SPAG16: variants seen among roughly 807,000 people sequenced by gnomAD.
The protein encoded by SPAG16 is sperm associated antigen 16.
Under a neutral mutation model 80.4 loss-of-function variants are expected in SPAG16, and 86 were observed. The observed-to-expected ratio is 1.07, with a 90% CI of 0.90 to 1.28. The LOEUF (loss-of-function observed/expected upper bound fraction) is 1.28, where lower values mean the gene tolerates loss of function less well. Ranked by LOEUF, SPAG16 falls within the 50% of genes most tolerant of loss-of-function variation. SPAG16 has a pLI of 0.00. For synonymous variants in SPAG16, 294 were observed against 265.9 expected (o/e 1.11, Z -1.03); for missense variants, 870 against 765.3 (o/e 1.14, Z -1.61).
intron 13 of SPAG16, among the ~76,000 whole-genome samples, chr2:214,082,883 A>G (rs537995088): frequency 2.3e-4 from 35 of 152,204 alleles, no homozygotes; most frequent in African/African-American, 7.9e-4. Flanking sequence ...CCACCCCATC[A>G]CTCAGACTTG....
intron 12 of SPAG16, among the ~76,000 whole-genome samples, chr2:213,964,303 C>A (rs935441994): frequency 7.9e-5 from 12 of 151,880 alleles, no homozygotes; most frequent in Admixed American, 2.0e-4. Context: ...CTTTTATAAT[C>A]ATCTCTATTT....
chr2:213,304,566 TA>T (rs1344042943), intron 3 of SPAG16, among the ~76,000 whole-genome samples: 1 of 152,108 alleles, frequency 6.6e-6, no homozygotes, highest in Admixed American at 6.5e-5. Context: ...TGACAAGGGA[TA>T]GGGGTCTAGT....
At chr2:214,135,071 C>T (rs1420355997) in intron 14 of SPAG16, among the ~76,000 whole-genome samples, 1 of 152,092 alleles carries the variant, frequency 6.6e-6, no homozygotes, top group East Asian at 1.9e-4. Flanking sequence ...CCTAGTGTTC[C>T]GCTCCTAGAA....
At chr2:213,518,882 T>C (rs1338174444) in intron 10 of SPAG16, among the ~76,000 whole-genome samples, 2 of 152,242 alleles carry the variant, frequency 1.3e-5, no homozygotes, top group African/African-American at 2.4e-5. Context: ...TGTGGAATAC[T>C]ATGCAGCCAT....
intron 10 of SPAG16, among the ~76,000 whole-genome samples, chr2:213,591,326 ACTT>A (rs1045662935): frequency 1.2e-4 from 18 of 152,270 alleles, no homozygotes; most frequent in African/African-American, 3.6e-4. Context: ...TTCTAGAAAC[ACTT>A]CTTCACAAAC....
intron 13 of SPAG16, among the ~76,000 whole-genome samples, chr2:214,065,373 GA>G (rs1158699970): frequency 6.6e-6 from 1 of 151,980 alleles, no homozygotes; most frequent in African/African-American, 2.4e-5. Context: ...ACAATACTTA[GA>G]ACACCGACTG....
intron 15 of SPAG16, among the ~76,000 whole-genome samples, chr2:214,167,797 C>T (rs973313372): frequency 1.3e-5 from 2 of 149,536 alleles, no homozygotes; most frequent in Middle Eastern, 3.2e-3. Context: ...TGTTTTCAGT[C>T]TAATTATATA....
chr2:213,681,995 C>T (rs1315697997), intron 10 of SPAG16, among the ~76,000 whole-genome samples: 3 of 152,212 alleles, frequency 2.0e-5, no homozygotes, highest in Admixed American at 6.5e-5. Context: ...CAGCTGTCCT[C>T]TGGCACCTTT....
chr2:214,098,726 A>G (rs1029003992), intron 13 of SPAG16, among the ~76,000 whole-genome samples: 1 of 152,104 alleles, frequency 6.6e-6, no homozygotes, highest in Admixed American at 6.6e-5. Context: ...TCTGAAACCA[A>G]AAAGCTGAAT....
At chr2:214,186,493 G>A (rs376385025) in intron 15 of SPAG16, among the ~76,000 whole-genome samples, 28 of 152,196 alleles carry the variant, frequency 1.8e-4, no homozygotes, top group African/African-American at 5.3e-4. Context: ...AAAATTGTAC[G>A]TCCAGAGAAT....
intron 11 of SPAG16, among the ~76,000 whole-genome samples, chr2:213,866,171 AT>A (rs1331470770): frequency 1.3e-5 from 2 of 151,830 alleles, no homozygotes; most frequent in African/African-American, 2.4e-5. Flanking sequence ...AAAACAGGTA[AT>A]TTTTAGTTTC....
intron 10 of SPAG16, among the ~76,000 whole-genome samples, chr2:213,564,026 T>C (rs2059680771): frequency 6.6e-6 from 1 of 152,212 alleles, no homozygotes; most frequent in Non-Finnish European, 1.5e-5. Flanking sequence ...AGATAACATC[T>C]ACCTACATTA....
At chr2:214,071,443 G>A (rs796920941) in intron 13 of SPAG16, among the ~76,000 whole-genome samples, 4 of 152,122 alleles carry the variant, frequency 2.6e-5, no homozygotes, top group African/African-American at 9.7e-5. Context: ...TATAAGGCAT[G>A]TAGAGGATAA....
intron 13 of SPAG16, among the ~76,000 whole-genome samples, chr2:214,087,999 T>A (rs1365820439): frequency 6.6e-6 from 1 of 151,976 alleles, no homozygotes; most frequent in Non-Finnish European, 1.5e-5. Context: ...AAAGACCTGA[T>A]ATGTAAACAG....
chr2:213,284,630 C>A lies in SPAG16; in HGVS notation c.136+11C>A. On this transcript the variant is annotated intron_variant, in intron 1 of 15. Coordinates refer to ENST00000331683, the MANE Select transcript of SPAG16 (RefSeq NM_024532.5). Reference sequence around the variant, plus strand: ...CCTACTACCTGGAACGTATCCTTCCCGTGGAGGCGCGGCCCGCTGCGCTGG... The same window carrying A: ...CCTACTACCTGGAACGTATCCTTCCAGTGGAGGCGCGGCCCGCTGCGCTGG... 6.2e-7 allele frequency: 1 copy of A among 1,602,794 alleles called. No homozygotes were observed. Among genetic ancestry groups the A allele is most frequent in the Non-Finnish European group, 8.5e-7 (1 of 1,175,168 alleles).
chr2:213,790,988 A>T (rs562977058), intron 10 of SPAG16, among the ~76,000 whole-genome samples: 2 of 152,104 alleles, frequency 1.3e-5, no homozygotes, highest in Non-Finnish European at 2.9e-5. Context: ...AAAATAGCAC[A>T]TAAGTATCCA....
intron 12 of SPAG16, among the ~76,000 whole-genome samples, chr2:213,977,194 C>T (rs942704860): frequency 6.6e-6 from 1 of 152,012 alleles, no homozygotes; most frequent in South Asian, 2.1e-4. Context: ...TTACTACTAT[C>T]CTCTGACCTC....
Position 214,359,600 on chromosome 2 carries a change from T to C in SPAG16, c.1721-50540T>C, listed in dbSNP as rs536810155. On this transcript the variant is annotated intron_variant, in intron 15 of 15. Coordinates refer to ENST00000331683, the MANE Select transcript of SPAG16 (RefSeq NM_024532.5). ...GCAGATGAACTATTAACTTTCAAATTGGTCACTGCAGGGTTCTATTTACAT... is the reference window on the plus strand; with the variant it reads ...GCAGATGAACTATTAACTTTCAAATCGGTCACTGCAGGGTTCTATTTACAT... 3.3e-5 allele frequency among the ~76,000 whole-genome samples: 5 copies of C among 151,978 alleles called. No homozygotes were observed. The East Asian group carries it at 9.7e-4, about 29-fold the overall frequency.
chr2:214,363,070 C>G (rs1213389176), intron 15 of SPAG16, among the ~76,000 whole-genome samples: 1 of 151,930 alleles, frequency 6.6e-6, no homozygotes, highest in Non-Finnish European at 1.5e-5. Context: ...TTCCCTCTCT[C>G]CTATTACTTT....
Sources: gnomAD v4.1 joint callset for allele counts (sites outside exome capture counted in the v4.1 genomes callset) on GRCh38, gnomAD v4.1.1 for gene constraint, MANE v1.5 for transcripts, NCBI Gene and HGNC (gene_info 2026-07-23, HGNC 2026-07-21) for gene names.